The following ZFYVE26 variants were observed in gnomAD, a reference collection of about 807,000 sequenced individuals.
ZFYVE26 encodes the protein zinc finger FYVE domain-containing protein 26.
In ZFYVE26, 181 loss-of-function variants were observed where a neutral mutation model predicts 276.5. The ratio of observed to expected loss-of-function variants is 0.65; its 90% CI spans 0.58 to 0.74. The LOEUF (loss-of-function observed/expected upper bound fraction) is 0.74, where lower values mean the gene tolerates loss of function less well. Ranked by LOEUF, ZFYVE26 falls within the 30% of genes least tolerant of loss-of-function variation. The pLI is 0.00. For missense variants in ZFYVE26, 2,821 were observed against 3,097.9 expected (o/e 0.91, Z 2.12); for synonymous variants, 1,129 against 1,203.1 (o/e 0.94, Z 1.27).
At chr14:67,793,873 C>T (rs1468248517) in intron 13 of ZFYVE26, 114 bp from the exon 14 acceptor site, 13 of 1,424,700 alleles carry the variant, frequency 9.1e-6, no homozygotes, top group Admixed American at 3.7e-5. Flanking sequence ...CTGTAAAAGG[C>T]CTGTAAATAG....
At position 67,762,425 on chromosome 14, in the gene ZFYVE26, T is replaced by C. The variant is rs759043669; in HGVS notation, c.6160-13A>G. The C allele has an allele frequency of 1.2e-4, 200 of 1,610,654 alleles. No individual in the cohort carries two copies. Among genetic ancestry groups the C allele is most frequent in the South Asian group, 1.7e-4 (15 of 90,584 alleles). On this transcript the variant is annotated splice_polypyrimidine_tract_variant and intron_variant, in intron 33 of 41. Coordinates refer to ENST00000347230, the MANE Select transcript of ZFYVE26 (RefSeq NM_015346.4). The stretch of plus-strand genomic sequence containing the variant: ...TCTTTGTGGAGACCTGGGAGAAAAA[T>C]TGCCCCTTTTAGTGAGTGGTAGCTA...
In ZFYVE26 at chr14:67,782,659, T is replaced by C. The variant is rs899232613; in HGVS notation, c.4372+121A>G. On this transcript the variant is annotated intron_variant, in intron 21 of 41. Transcript: ENST00000347230. ...CCTCTGAGACCTGGTCTCCTCTTAA[T>C]AACATGAGATTATAGTGGGGCTTCT... 4.6e-6 allele frequency: 7 copies of C among 1,511,760 alleles called. No individual in the cohort carries two copies. In the African/African-American group the frequency reaches 6.8e-5, roughly 15 times the overall value. 93.6% of individuals were successfully genotyped at this position (1,511,760 alleles called of 1,614,324 possible).
intron 3 of ZFYVE26, 132 bp from the exon 4 acceptor site, chr14:67,809,421 T>A (rs1330819334): frequency 1.7e-5 from 10 of 587,226 alleles, no homozygotes; most frequent in South Asian, 6.5e-5. Flanking sequence ...TTTTTTTTTT[T>A]TTTTTTTTTT....
intron 22 of ZFYVE26, 81 bp from the exon 23 acceptor site, chr14:67,780,426 G>T: frequency 1.6e-6 from 2 of 1,259,258 alleles, no homozygotes; most frequent in Non-Finnish European, 2.3e-6. Context: ...GTCCACAGAT[G>T]GGCCATCCCT....
chr14:67,740,175 T>G (rs114641651), intron 13 of ZFYVE26, among the ~76,000 whole-genome samples: 31 of 152,304 alleles, frequency 2.0e-4, no homozygotes, highest in African/African-American at 7.5e-4. Context: ...ACAAAATTTT[T>G]TTTTCCTGTT....
Position 67,775,868 on chromosome 14 carries a change from T to C in ZFYVE26, c.5213A>G (p.Lys1738Arg). 1 of 1,614,228 alleles carries C rather than the reference T, an allele frequency of 6.2e-7. No homozygotes were observed. Among genetic ancestry groups the C allele is most frequent in the Non-Finnish European group, 8.5e-7 (1 of 1,180,026 alleles). ...AGGATGCTAGCAGTTACCTGATCGT[T>C]TCTCCCTCTGAGGGTATGGAAAGTC... The part of the protein sequence containing the change: ...ALDFPYPQRE[K>R]RSDSVIHLQE... The change falls in exon 26 of 42, where the codon AAA becomes AGA. Residue 1738 changes from lysine (K) to arginine (R), a missense_variant. Physicochemically the swap from Lys to Arg is conservative, Grantham distance 26. Coordinates refer to ENST00000347230, the MANE Select transcript of ZFYVE26 (RefSeq NM_015346.4).
intron 3 of ZFYVE26, among the ~76,000 whole-genome samples, chr14:67,813,029 C>T (rs2040334275): frequency 6.6e-6 from 1 of 152,136 alleles, no homozygotes; most frequent in African/African-American, 2.4e-5. Context: ...ATAAGAGATA[C>T]ATTCAGATTA....
Position 67,790,552 on chromosome 14 carries a change from T to C in ZFYVE26, c.2755+20A>G, listed in dbSNP as rs985862349. 1.2e-6 allele frequency: 2 copies of C among 1,611,840 alleles called. No individual in the cohort carries two copies. Among genetic ancestry groups the C allele is most frequent in the Non-Finnish European group, 1.7e-6 (2 of 1,179,276 alleles). On this transcript the variant is annotated intron_variant, in intron 15 of 41. Transcript: ENST00000347230. ...CTCCCAGCCACCTCACCACTTATGGTGTTAGCAGGGAAGCCTGACCTGCTG... is the reference window on the plus strand; with the variant it reads ...CTCCCAGCCACCTCACCACTTATGGCGTTAGCAGGGAAGCCTGACCTGCTG...
chr14:67,782,829 G>T lies in ZFYVE26; in HGVS notation c.4323C>A (p.Asp1441Glu), dbSNP rs751803624. 6.2e-7 allele frequency: 1 copy of T among 1,614,160 alleles called. No individual in the cohort carries two copies. Among genetic ancestry groups the T allele is most frequent in the Non-Finnish European group, 8.5e-7 (1 of 1,180,040 alleles). ...QLTEVYGRDVDDLSSIKDAVL... is the reference protein window; with the variant it reads ...QLTEVYGRDVEDLSSIKDAVL... Reference sequence around the variant, plus strand: ...CTGCATCCTTTATGCTGCTCAAATCGTCCACATCTCGCCCGTACACTTCAG... The same window carrying T: ...CTGCATCCTTTATGCTGCTCAAATCTTCCACATCTCGCCCGTACACTTCAG... The change falls in exon 21 of 42, where the codon GAC (aspartate) becomes GAA (glutamate). Residue 1441 changes from aspartate (D) to glutamate (E), a missense_variant. Asp to Glu is a conservative substitution (Grantham distance 45). Coordinates refer to ENST00000347230, the MANE Select transcript of ZFYVE26 (RefSeq NM_015346.4).
intron 20 of ZFYVE26, 103 bp downstream of exon 20, chr14:67,784,231 C>G: frequency 1.0e-6 from 1 of 963,988 alleles, no homozygotes; most frequent in South Asian, 1.3e-5. Context: ...GAAGAAATCC[C>G]CACTCTCTGT....
rs746606852 is a variant in ZFYVE26, at chr14:67,794,240, C to G, written c.2333-1G>C. 1.9e-6 allele frequency: 3 copies of G among 1,614,072 alleles called. No individual in the cohort carries two copies. In the South Asian group the frequency reaches 3.3e-5, roughly 18 times the overall value. Reference sequence around the variant, plus strand: ...GGGTTTGAACCTCTGTCTCGGCCATCTACAGGTATTGGGAAGAAGAGAGAA... The same window carrying G: ...GGGTTTGAACCTCTGTCTCGGCCATGTACAGGTATTGGGAAGAAGAGAGAA... On this transcript the variant is annotated splice_acceptor_variant, in intron 12 of 41. Coordinates refer to ENST00000347230, the MANE Select transcript of ZFYVE26 (RefSeq NM_015346.4). LOFTEE classifies it high-confidence loss of function.
At chr14:67,802,004 G>T in intron 10 of ZFYVE26, 75 bp downstream of exon 10, 1 of 1,534,500 alleles carries the variant, frequency 6.5e-7, no homozygotes, top group Non-Finnish European at 9.0e-7. Context: ...CTTGGTGGAA[G>T]AGGGTAAACA....
intron 32 of ZFYVE26, 33 bp from the exon 33 acceptor site, chr14:67,762,852 T>C (rs1214611192): frequency 1.2e-6 from 2 of 1,612,342 alleles, no homozygotes; most frequent in Non-Finnish European, 8.5e-7. Context: ...GCCATGAGGC[T>C]CCCTAGTGTC....
chr14:67,757,683 TCTCTCTC>T lies in ZFYVE26; in HGVS notation c.6589-1545_6589-1539del, dbSNP rs1342700425. 2.2e-5 allele frequency among the ~76,000 whole-genome samples: 3 copies of T among 135,974 alleles called. No individual in the cohort carries two copies. In the East Asian group the frequency reaches 6.6e-4, roughly 30 times the overall value. The allele number at this position is 135,974 out of a possible 152,430, so 89.2% of individuals were successfully genotyped here. ...CTTTCTTTCTTTCTTTCTTTCTTTC[TCTCTCTC>T]TTTCCTTTCTTTCTCTCTCTCTTTC... is the stretch of plus-strand genomic sequence containing the variant. On this transcript the variant is annotated intron_variant, in intron 35 of 41. Transcript: ENST00000347230.
intron 6 of ZFYVE26, 66 bp downstream of exon 6, chr14:67,806,479 G>T (rs1219276120): frequency 1.1e-5 from 17 of 1,600,194 alleles, no homozygotes; most frequent in African/African-American, 1.3e-5. Flanking sequence ...GGAGAGAAAT[G>T]AGGAATGAAA....
At chr14:67,748,713 AAGCTCGGGCAGAC>A in intron 41 of ZFYVE26, 74 bp from the exon 42 acceptor site, 1 of 1,523,032 alleles carries the variant, frequency 6.6e-7, no homozygotes, top group Non-Finnish European at 9.0e-7. Context: ...CTGCAGCAGA[AAGCTCGGGCAGAC>A]AGACACCATG....
At chr14:67,813,068 G>A (rs916161292) in intron 3 of ZFYVE26, among the ~76,000 whole-genome samples, 5 of 152,172 alleles carry the variant, frequency 3.3e-5, no homozygotes, top group Non-Finnish European at 7.3e-5. Context: ...TGACAGCTCT[G>A]TGAGGAACGA....
rs1405579511 is a variant in ZFYVE26, at chr14:67,748,569, C to T, written c.7487G>A (p.Arg2496Gln). The T allele has an allele frequency of 5.0e-6, 8 of 1,614,042 alleles. No individual in the cohort carries two copies. Among genetic ancestry groups the T allele is most frequent in the East Asian group, 4.5e-5 (2 of 44,892 alleles). The change falls in exon 42 of 42, where the codon CGG becomes CAG. Residue 2496 changes from arginine to glutamine, a missense_variant. Transcript: ENST00000347230. ...YLIAVKQEHS[R>Q]ATALVQQVQQ... ...CACCTGCTGGACAAGGGCTGTGGCCCGTGAGTGTTCTTGCTTCACAGCAAT... is the reference window on the plus strand; with the variant it reads ...CACCTGCTGGACAAGGGCTGTGGCCTGTGAGTGTTCTTGCTTCACAGCAAT...
intron 5 of ZFYVE26, 39 bp from the exon 6 acceptor site, chr14:67,806,714 C>A: frequency 6.2e-7 from 1 of 1,612,900 alleles, no homozygotes; most frequent in Non-Finnish European, 8.5e-7. Context: ...AAACCAAGAA[C>A]TCTTCTTTTC....
Sources: allele counts gnomAD v4.1 joint callset (sites outside exome capture counted in the v4.1 genomes callset), GRCh38; gene constraint gnomAD v4.1.1; transcripts MANE v1.5; gene names NCBI Gene and HGNC (gene_info 2026-07-23, HGNC 2026-07-21).